UTRN: variants seen among roughly 807,000 people sequenced by gnomAD.
The protein encoded by UTRN is utrophin, also known as dystrophin-related protein 1.
Under a neutral mutation model 463.9 loss-of-function variants are expected in UTRN, and 283 were observed. That is an observed-to-expected ratio of 0.61 (90% CI 0.55 to 0.67). The LOEUF is 0.67. Among genes scored for constraint, UTRN ranks in the 30% least tolerant of loss-of-function variants. The pLI is 0.00. For synonymous variants in UTRN, 1,442 were observed against 1,431.5 expected, an observed-to-expected ratio of 1.01 and a Z score of -0.17; for missense variants, 3,922 against 4,084.3, an observed-to-expected ratio of 0.96 and a Z score of 1.08.
At chr6:144,805,509 A>C (rs988060629) in intron 65 of UTRN, among the ~76,000 whole-genome samples, 4 of 152,170 alleles carry the variant, frequency 2.6e-5, no homozygotes, top group Admixed American at 2.6e-4. Flanking sequence ...CAGAACATAT[A>C]GTGGTCTGAG....
rs187367116 is a variant in UTRN at position 144,334,571 on chromosome 6, C to T, written c.79+42664C>T. Among the ~76,000 whole-genome samples the T allele has an allele frequency of 2.0e-4, 31 of 152,288 alleles. No homozygotes were observed. The East Asian group carries it at 3.9e-3, about 19-fold the overall frequency. On this transcript the variant is annotated intron_variant, in intron 2 of 74. Transcript: ENST00000367545. ...AGGCTTTCAGCAGCTGCTGCCGCCA[C>T]CTGATACCTGGAACCTTACTGCTAT...
intron 69 of UTRN, among the ~76,000 whole-genome samples, chr6:144,831,086 T>C (rs1780633926): frequency 6.6e-6 from 1 of 152,178 alleles, no homozygotes; most frequent in African/African-American, 2.4e-5. Flanking sequence ...TCTCCATGAA[T>C]CTTATAGGCT....
chr6:144,426,565 T>A (rs1031878062), intron 7 of UTRN, 106 bp downstream of exon 7: 21 of 1,157,956 alleles, frequency 1.8e-5, no homozygotes, highest in Non-Finnish European at 2.3e-5. Flanking sequence ...GTGCCACTGC[T>A]CTCCTTTCTG....
At chr6:144,299,689 A>C (rs1006513652) in intron 2 of UTRN, among the ~76,000 whole-genome samples, 1 of 152,148 alleles carries the variant, frequency 6.6e-6, no homozygotes, top group Non-Finnish European at 1.5e-5. Flanking sequence ...TAGGGAATGC[A>C]TCAGCTTAGA....
chr6:144,296,512 A>G (rs1804718869), intron 2 of UTRN, among the ~76,000 whole-genome samples: 1 of 152,230 alleles, frequency 6.6e-6, no homozygotes, highest in Non-Finnish European at 1.5e-5. Context: ...ACTGAGCCCA[A>G]TGCCTGGCTC....
chr6:144,737,030 C>T (rs569310185), intron 54 of UTRN, among the ~76,000 whole-genome samples: 41 of 152,284 alleles, frequency 2.7e-4, no homozygotes, highest in African/African-American at 9.9e-4. Flanking sequence ...TTCCCTGGCA[C>T]CCTGTGGTCT....
chr6:144,810,576 C>A (rs1378296640), intron 65 of UTRN, among the ~76,000 whole-genome samples: 1 of 151,584 alleles, frequency 6.6e-6, no homozygotes, highest in South Asian at 2.1e-4. Context: ...TGAAATAGAG[C>A]AAGGTAATGG....
intron 45 of UTRN, among the ~76,000 whole-genome samples, chr6:144,539,871 C>T (rs1797841049): frequency 6.6e-6 from 1 of 151,834 alleles, no homozygotes; most frequent in Admixed American, 6.6e-5. Flanking sequence ...AGTGAAACCC[C>T]ATCTCTACTA....
chr6:144,706,088 TC>T (rs1401689471), intron 53 of UTRN, among the ~76,000 whole-genome samples: 2 of 151,966 alleles, frequency 1.3e-5, no homozygotes, highest in African/African-American at 2.4e-5. Context: ...ATCCAAGAAT[TC>T]CCTTCCTAAG....
chr6:144,462,920 A>G, intron 23 of UTRN, 54 bp downstream of exon 23: 1 of 1,307,834 alleles, frequency 7.6e-7, no homozygotes. Context: ...AATAGTAATT[A>G]TCTTATAAGA....
At chr6:144,582,411 C>A (rs1802049396) in intron 51 of UTRN, among the ~76,000 whole-genome samples, 1 of 151,966 alleles carries the variant, frequency 6.6e-6, no homozygotes, top group African/African-American at 2.4e-5. Context: ...GTACTTTACC[C>A]CAGTTGATAT....
rs199506598 is a variant in UTRN at position 144,481,672 on chromosome 6, TTAACACTGCTG to T, written c.3508-535_3508-525del. 3.3e-3 allele frequency among the ~76,000 whole-genome samples: 497 copies of T among 152,372 alleles called. 17 individuals carry two copies. In the East Asian group the frequency reaches 0.064, roughly 20 times the overall value. On this transcript the variant is annotated intron_variant, in intron 26 of 74. Transcript: ENST00000367545. ...GTAAACATACTTTGGATAACTTACG[TTAACACTGCTG>T]TTATGAAATGAAAACATTTGTGGGA... is the stretch of plus-strand genomic sequence containing the variant.
chr6:144,319,988 G>T (rs920186732), intron 2 of UTRN, among the ~76,000 whole-genome samples: 3 of 151,994 alleles, frequency 2.0e-5, no homozygotes, highest in African/African-American at 7.3e-5. Flanking sequence ...TGAATAGTTG[G>T]GATTACAGGC....
intron 2 of UTRN, chr6:144,344,273 T>C (rs1365429604): frequency 3.8e-6 from 5 of 1,304,062 alleles, no homozygotes; most frequent in Non-Finnish European, 5.1e-6. Context: ...TGCCAGGGCA[T>C]GTAGCTCTCC....
chr6:144,752,151 A>AT (rs1438670296), intron 56 of UTRN, among the ~76,000 whole-genome samples, 199 bp downstream of exon 56: 1 of 152,110 alleles, frequency 6.6e-6, no homozygotes, highest in African/African-American at 2.4e-5. Flanking sequence ...GTTTAATTTA[A>AT]TTTTTTGATG....
At chr6:144,652,395 A>T (rs1778908574) in intron 51 of UTRN, among the ~76,000 whole-genome samples, 1 of 152,120 alleles carries the variant, frequency 6.6e-6, no homozygotes, top group South Asian at 2.1e-4. Flanking sequence ...TTTCTTTTTC[A>T]CTTCTGCAAC....
At chr6:144,438,721 T>C in intron 11 of UTRN, 24 bp from the exon 12 acceptor site, 2 of 1,613,692 alleles carry the variant, frequency 1.2e-6, no homozygotes, top group East Asian at 4.5e-5. Context: ...CTTGTAGGAA[T>C]AATGCTGTGT....
intron 74 of UTRN, among the ~76,000 whole-genome samples, chr6:144,849,446 C>G (rs184192629): frequency 6.6e-6 from 1 of 152,204 alleles, no homozygotes; most frequent in African/African-American, 2.4e-5. Context: ...TCTGAGGAGG[C>G]CTTCTCCTCC....
intron 52 of UTRN, among the ~76,000 whole-genome samples, chr6:144,689,598 G>T (rs1332145430): frequency 6.6e-6 from 1 of 152,192 alleles, no homozygotes; most frequent in Non-Finnish European, 1.5e-5. Flanking sequence ...GACTGCCACA[G>T]TCCAGGCTGG....
Sources: allele counts gnomAD v4.1 joint callset (sites outside exome capture counted in the v4.1 genomes callset), GRCh38; gene constraint gnomAD v4.1.1; transcripts MANE v1.5; gene names NCBI Gene and HGNC (gene_info 2026-07-23, HGNC 2026-07-21).